FAHD1: variants seen among roughly 807,000 people sequenced by gnomAD.
FAHD1 encodes oxaloacetate tautomerase FAHD1, mitochondrial.
A neutral mutation model predicts 12.7 loss-of-function variants in FAHD1; 14 were observed. The observed-to-expected ratio is 1.10, with a 90% confidence interval of 0.73 to 1.72. The LOEUF (loss-of-function observed/expected upper bound fraction) is 1.72. Among genes scored for constraint, FAHD1 ranks in the 40% most tolerant of loss-of-function variants. The pLI is 0.00. For synonymous variants in FAHD1, 153 were observed against 124.9 expected (o/e 1.22, Z -1.50); for missense variants, 351 against 298.9 (o/e 1.17, Z -1.29).
intron 1 of FAHD1, chr16:1,833,946 G>A (rs1384920733): frequency 3.4e-5 from 7 of 203,930 alleles, no homozygotes; most frequent in East Asian, 1.3e-4. Context: ...ACTCAAAGCC[G>A]TTCAACTACA....
At position 1,827,243 on chromosome 16, in the gene FAHD1, C is replaced by A; in HGVS notation, c.5C>A (p.Ala2Glu). 1 of 1,602,792 alleles carries A rather than the reference C, an allele frequency of 6.2e-7. No individual in the cohort carries two copies. Among genetic ancestry groups the A allele is most frequent in the Non-Finnish European group, 8.5e-7 (1 of 1,171,544 alleles). The change falls in exon 1 of 1, where the codon GCA becomes GAA. Residue 2 changes from alanine (A) to glutamate (E), a missense_variant. Physicochemically the swap from Ala to Glu is moderately radical, Grantham distance 107. Transcript: ENST00000427358. ...CAGGGGCACTTGATGGGAATCATGG[C>A]AGCATCCAGGCCATTGTCCCGCTTC...
chr16:1,838,026 T>G, exon 2 of FAHD1: 1 of 1,375,978 alleles, frequency 7.3e-7, no homozygotes, highest in Non-Finnish European at 9.7e-7. Context: ...AGACAGGGTC[T>G]CACTCTGTCG....
chr16:1,837,811 G>A, intron 1 of FAHD1: 2 of 1,539,446 alleles, frequency 1.3e-6, no homozygotes, highest in Non-Finnish European at 1.8e-6. Context: ...TTCTTTCCAA[G>A]AGAAATTGCC....
chr16:1,836,489 C>T (rs1347920173), intron 1 of FAHD1, among the ~76,000 whole-genome samples: 1 of 152,008 alleles, frequency 6.6e-6, no homozygotes, highest in African/African-American at 2.4e-5. Flanking sequence ...CCCTGACTTG[C>T]AAAGAGACAG....
rs1406331854 is a variant in FAHD1 at position 1,827,815 on chromosome 16, G to A, written c.577G>A (p.Val193Ile). The stretch of plus-strand genomic sequence containing the variant: ...TATCTTGACTGGGACGCCAAAGGGA[G>A]TTGGACCGGTTAAAGAAAACGATGA... Residue 193 changes from valine (V) to isoleucine (I), a missense_variant, in exon 1 of 1, where the codon GTT (valine) becomes ATT (isoleucine). Transcript: ENST00000427358. The A allele has an allele frequency of 1.3e-5, 21 of 1,614,120 alleles. No individual in the cohort carries two copies. The highest frequency in any genetic ancestry group is 1.6e-5 in the Non-Finnish European group (19 of 1,180,028).
At chr16:1,828,425 C>T in exon 1 of FAHD1, 1 of 1,001,412 alleles carries the variant, frequency 1.0e-6, no homozygotes, top group African/African-American at 1.7e-5. Context: ...CTTCGGAAAA[C>T]ATTTTATCAA....
chr16:1,837,060 G>C (rs1008714888), intron 1 of FAHD1, among the ~76,000 whole-genome samples: 5 of 152,160 alleles, frequency 3.3e-5, no homozygotes, highest in African/African-American at 7.2e-5. Flanking sequence ...ATCTGCAATA[G>C]GGGAGTTTGT....
chr16:1,835,862 CTTT>C (rs34146401), intron 1 of FAHD1, among the ~76,000 whole-genome samples: 22 of 142,800 alleles, frequency 1.5e-4, no homozygotes, highest in South Asian at 9.0e-4. Context: ...ATTCCTTTTT[CTTT>C]TTTTTTTTTT....
exon 1 of FAHD1, chr16:1,828,264 G>C: frequency 2.2e-6 from 2 of 909,592 alleles, no homozygotes; most frequent in African/African-American, 4.7e-5. Flanking sequence ...GCAACAGCGA[G>C]ACTCCGTCTC....
intron 1 of FAHD1, among the ~76,000 whole-genome samples, chr16:1,836,127 C>T (rs73490123): frequency 0.045 from 6,831 of 152,086 alleles, 479 homozygotes; most frequent in African/African-American, 0.14. Context: ...TCTTACTGGT[C>T]CCCTCATTAA....
chr16:1,827,883 A>G, exon 1 of FAHD1: 1 of 1,613,512 alleles, frequency 6.2e-7, no homozygotes, highest in East Asian at 2.2e-5. Flanking sequence ...TGACATTTAA[A>G]GTGGAAAAGC....
chr16:1,837,241 G>A (rs1898773354), intron 1 of FAHD1, among the ~76,000 whole-genome samples: 1 of 152,036 alleles, frequency 6.6e-6, no homozygotes, highest in African/African-American at 2.4e-5. Flanking sequence ...GAGGTGTGGT[G>A]GGATTAGGAT....
At chr16:1,832,690 G>C (rs1464358674), downstream of FAHD1, among the ~76,000 whole-genome samples, 2 of 152,048 alleles carry the variant, frequency 1.3e-5, no homozygotes, top group African/African-American at 2.4e-5. Context: ...GCTCAGTGGA[G>C]GGGGCACCAT....
At chr16:1,837,666 A>G (rs931019129) in intron 1 of FAHD1, 1 of 556,856 alleles carries the variant, frequency 1.8e-6, no homozygotes, top group Non-Finnish European at 3.1e-6. Flanking sequence ...CCTTATGCAC[A>G]TCTGGGAACT....
In FAHD1 at chr16:1,834,247, T is replaced by TA. The variant is rs769172650; in HGVS notation, c.628-3768dup. On this transcript the variant is annotated intron_variant, in intron 1 of 2. Transcript: ENST00000382666. ...TATACTTTTCCAGAGTTCAAAATGATAGACCGTTTTAAACATGTTTTTGTC... is the reference window on the plus strand; with the variant it reads ...TATACTTTTCCAGAGTTCAAAATGATAAGACCGTTTTAAACATGTTTTTGTC... 20 of 1,495,122 alleles carry TA rather than the reference T, an allele frequency of 1.3e-5. 1 individual carries two copies. The highest frequency in any genetic ancestry group is 1.9e-5 in the Non-Finnish European group (20 of 1,076,564). The allele number at this position is 1,495,122 out of a possible 1,614,324, so 92.6% of individuals were successfully genotyped here.
downstream of FAHD1, among the ~76,000 whole-genome samples, chr16:1,831,782 T>G (rs1898624813): frequency 1.3e-5 from 2 of 152,130 alleles, no homozygotes; most frequent in Non-Finnish European, 2.9e-5. Context: ...CATGAGATTC[T>G]CACAGGAGCG....
At chr16:1,827,559 C>T (rs142676593) in exon 1 of FAHD1, 2 of 1,613,418 alleles carry the variant, frequency 1.2e-6, no homozygotes, top group Non-Finnish European at 1.7e-6. Flanking sequence ...ACGTGCAGGA[C>T]GAGTGCAAGA....
chr16:1,833,606 G>A (rs988142489), downstream of FAHD1, among the ~76,000 whole-genome samples: 4 of 146,256 alleles, frequency 2.7e-5, no homozygotes, highest in African/African-American at 1.0e-4. Context: ...CTGTCGCCCA[G>A]GCTGGAGTGC....
chr16:1,828,671 C>A, exon 1 of FAHD1: 1 of 934,314 alleles, frequency 1.1e-6, no homozygotes, highest in Middle Eastern at 5.6e-4. Context: ...CTTGCTGAAT[C>A]AATTTGATAG....
Sources: allele counts gnomAD v4.1 joint callset (sites outside exome capture counted in the v4.1 genomes callset), GRCh38; gene constraint gnomAD v4.1.1; transcripts MANE v1.5; gene names NCBI Gene and HGNC (gene_info 2026-07-23, HGNC 2026-07-21).